The following GPC6 variants were observed in gnomAD, a reference collection of about 807,000 sequenced individuals.
The protein encoded by GPC6 is glypican 6.
GPC6 carries 14 observed loss-of-function variants against 55.2 expected under a neutral mutation model. That is an observed-to-expected ratio of 0.25 (90% CI 0.17 to 0.40). GPC6 has a LOEUF of 0.40. GPC6 is among the 10% of genes least tolerant of loss of function. GPC6 has a pLI of 1.00. For missense variants in GPC6, 641 were observed against 708.5 expected, an observed-to-expected ratio of 0.90 and a Z score of 1.08; for synonymous variants, 278 against 259.6, an observed-to-expected ratio of 1.07 and a Z score of -0.68.
intron 4 of GPC6, among the ~76,000 whole-genome samples, chr13:94,227,382 C>A (rs748959646): frequency 6.6e-5 from 10 of 152,156 alleles, no homozygotes; most frequent in Non-Finnish European, 1.3e-4. Context: ...ACACTATTGT[C>A]TCTTTTAAAT....
intron 2 of GPC6, among the ~76,000 whole-genome samples, chr13:93,679,751 TG>T (rs1881778206): frequency 6.6e-6 from 1 of 151,956 alleles, no homozygotes; most frequent in Non-Finnish European, 1.5e-5. Flanking sequence ...ATTACTAAAA[TG>T]GATGGTGATT....
At chr13:94,386,415 A>T (rs1880411348) in intron 7 of GPC6, among the ~76,000 whole-genome samples, 1 of 151,632 alleles carries the variant, frequency 6.6e-6, no homozygotes, top group Admixed American at 6.6e-5. Context: ...ACATAGTGAG[A>T]CCCTGTCTCT....
chr13:93,781,225 G>A lies in GPC6; in HGVS notation c.320-48929G>A, dbSNP rs546707208. Among the ~76,000 whole-genome samples, 145 of 150,742 alleles carry A rather than the reference G, an allele frequency of 9.6e-4. 5 individuals carry two copies. The South Asian group carries it at 0.03, about 31-fold the overall frequency. ...TGGGAGGCGGAGGTTGCAGTAAGCC[G>A]AGATCGCGCCACTGCACTCCAGCCT... On this transcript the variant is annotated intron_variant, in intron 2 of 8. Transcript: ENST00000377047.
At chr13:94,199,698 C>A (rs186624552) in intron 4 of GPC6, among the ~76,000 whole-genome samples, 10 of 152,286 alleles carry the variant, frequency 6.6e-5, no homozygotes, top group Middle Eastern at 3.4e-3. Context: ...GTGAAGTATT[C>A]TGAACAGTGC....
chr13:93,714,987 A>C (rs1364478920), intron 2 of GPC6, among the ~76,000 whole-genome samples: 1 of 151,618 alleles, frequency 6.6e-6, no homozygotes, highest in East Asian at 2.0e-4. Flanking sequence ...AATACAGTAT[A>C]ATTAGCATAT....
chr13:94,059,700 G>C (rs757188787), intron 4 of GPC6, among the ~76,000 whole-genome samples: 37 of 151,896 alleles, frequency 2.4e-4, no homozygotes, highest in African/African-American at 6.5e-4. Flanking sequence ...AAGGCCCGCT[G>C]CTTGCTTTAT....
At chr13:93,433,847 A>G (rs1877464280) in intron 1 of GPC6, among the ~76,000 whole-genome samples, 1 of 152,078 alleles carries the variant, frequency 6.6e-6, no homozygotes, top group Admixed American at 6.6e-5. Context: ...ACTGAACAAT[A>G]TGTGATTTAA....
chr13:94,094,089 A>G (rs943632651), intron 4 of GPC6, among the ~76,000 whole-genome samples: 4 of 152,102 alleles, frequency 2.6e-5, no homozygotes, highest in African/African-American at 9.7e-5. Flanking sequence ...CTTAGTGCTA[A>G]GTTTATATGA....
chr13:94,019,211 G>A (rs974062941), intron 3 of GPC6, among the ~76,000 whole-genome samples: 1 of 152,098 alleles, frequency 6.6e-6, no homozygotes, highest in Non-Finnish European at 1.5e-5. Context: ...TTGTCCGGAG[G>A]TGTTTTATTA....
chr13:93,899,727 C>T (rs1424442814), intron 3 of GPC6, among the ~76,000 whole-genome samples: 6 of 152,066 alleles, frequency 3.9e-5, no homozygotes, highest in Admixed American at 1.3e-4. Context: ...GAGGTTATTT[C>T]GCATTTGATC....
chr13:94,092,994 T>G (rs1252054759), intron 4 of GPC6, among the ~76,000 whole-genome samples: 1 of 152,150 alleles, frequency 6.6e-6, no homozygotes, highest in Non-Finnish European at 1.5e-5. Flanking sequence ...TTGTTTAAGT[T>G]CCTTATATAT....
intron 3 of GPC6, among the ~76,000 whole-genome samples, chr13:93,837,785 T>G (rs888095300): frequency 6.6e-6 from 1 of 152,156 alleles, no homozygotes; most frequent in Non-Finnish European, 1.5e-5. Flanking sequence ...ACAAGTAAAC[T>G]TTCCTTGAAC....
chr13:93,328,454 G>A (rs1025567084), intron 1 of GPC6, among the ~76,000 whole-genome samples: 4 of 151,926 alleles, frequency 2.6e-5, no homozygotes, highest in South Asian at 2.1e-4. Context: ...CACAAGGATC[G>A]CTTGAGCCCA....
chr13:93,281,708 T>C (rs768844729), intron 1 of GPC6, among the ~76,000 whole-genome samples: 58 of 152,044 alleles, frequency 3.8e-4, no homozygotes, highest in Non-Finnish European at 6.8e-4. Flanking sequence ...TCCCAGCTAC[T>C]TGGGAGGCTG....
chr13:93,595,031 A>C (rs1877664252), intron 2 of GPC6, among the ~76,000 whole-genome samples: 1 of 152,146 alleles, frequency 6.6e-6, no homozygotes, highest in Admixed American at 6.6e-5. Context: ...TTAATCAAGC[A>C]AGAAGTGGTG....
At chr13:93,403,940 A>G (rs1876189579) in intron 1 of GPC6, among the ~76,000 whole-genome samples, 5 of 152,258 alleles carry the variant, frequency 3.3e-5, no homozygotes, top group Admixed American at 3.3e-4. Flanking sequence ...TTGATTTATT[A>G]TAGAATAAAG....
Position 93,552,480 on chromosome 13 carries a change from GTCTCTCTC to G in GPC6, c.319+7075_319+7082del, listed in dbSNP as rs61674043. On this transcript the variant is annotated intron_variant, in intron 2 of 8. Transcript: ENST00000377047. ...CTCCTCCTCCTTTCTCTGTCTCTCT[GTCTCTCTC>G]TCTCTCTCTCTCTCTTTCTTTCTTT... is the stretch of plus-strand genomic sequence containing the variant. Among the ~76,000 whole-genome samples the G allele has an allele frequency of 6.6e-4, 97 of 146,914 alleles. 1 individual carries two copies. Among genetic ancestry groups the G allele is most frequent in the African/African-American group, 2.1e-3 (85 of 39,852 alleles).
At chr13:93,860,824 A>G (rs1388320266) in intron 3 of GPC6, among the ~76,000 whole-genome samples, 4 of 151,726 alleles carry the variant, frequency 2.6e-5, no homozygotes, top group Non-Finnish European at 1.5e-5. Flanking sequence ...AATAACTATT[A>G]TATAACAGCA....
intron 4 of GPC6, among the ~76,000 whole-genome samples, chr13:94,044,216 G>T (rs149055858): frequency 6.6e-6 from 1 of 151,754 alleles, no homozygotes; most frequent in African/African-American, 2.4e-5. Context: ...TCTTTTGCAC[G>T]TATAAGTAGA....
Sources: gnomAD v4.1 joint callset for allele counts (sites outside exome capture counted in the v4.1 genomes callset) on GRCh38, gnomAD v4.1.1 for gene constraint, MANE v1.5 for transcripts, NCBI Gene and HGNC (gene_info 2026-07-23, HGNC 2026-07-21) for gene names.